AGTPBP1: variants seen among roughly 807,000 people sequenced by gnomAD.
AGTPBP1 encodes ATP/GTP binding carboxypeptidase 1.
Under a neutral mutation model 143.9 loss-of-function variants are expected in AGTPBP1, and 70 were observed. The ratio of observed to expected loss-of-function variants is 0.49; its 90% confidence interval spans 0.40 to 0.59. The LOEUF (loss-of-function observed/expected upper bound fraction) is 0.59, where lower values mean the gene tolerates loss of function less well. Ranked by LOEUF, AGTPBP1 falls within the 20% of genes least tolerant of loss-of-function variation. AGTPBP1 has a pLI of 0.00. For missense variants in AGTPBP1, 1,229 were observed against 1,464.5 expected, an observed-to-expected ratio of 0.84 and a Z score of 2.62; for synonymous variants, 463 against 500.2, an observed-to-expected ratio of 0.93 and a Z score of 0.99.
chr9:85,689,951 A>G (rs1164816096), intron 3 of AGTPBP1, among the ~76,000 whole-genome samples: 2 of 131,644 alleles, frequency 1.5e-5, no homozygotes, highest in African/African-American at 5.8e-5. Flanking sequence ...TATATATCTT[A>G]AAGTAAAAAT....
intron 2 of AGTPBP1, 93 bp downstream of exon 2, chr9:85,712,409 A>T (rs1002201212): frequency 5.0e-6 from 3 of 599,240 alleles, no homozygotes; most frequent in Non-Finnish European, 8.2e-6. Flanking sequence ...ATACTTAAAC[A>T]CAAATAATAC....
the AGTPBP1 span, among the ~76,000 whole-genome samples, chr9:85,789,606 T>G: frequency 6.6e-6 from 1 of 152,198 alleles, no homozygotes; most frequent in Non-Finnish European, 1.5e-5. Flanking sequence ...GGTGCTTTTG[T>G]GCTTTAATGT....
the AGTPBP1 span, among the ~76,000 whole-genome samples, chr9:85,802,403 G>A: frequency 0.043 from 6,580 of 151,760 alleles, 90 homozygotes; most frequent in African/African-American, 0.14. Context: ...TGCCTACTCA[G>A]TGCCTGCACA....
the AGTPBP1 span, among the ~76,000 whole-genome samples, chr9:85,779,396 C>T: frequency 2.3e-4 from 35 of 151,984 alleles, no homozygotes; most frequent in African/African-American, 8.5e-4. Context: ...GTCTGAGTCT[C>T]GAAACTGAAG....
chr9:85,670,807 C>T (rs1834432679), intron 7 of AGTPBP1, among the ~76,000 whole-genome samples: 1 of 152,140 alleles, frequency 6.6e-6, no homozygotes, highest in Admixed American at 6.5e-5. Context: ...CCTAATATTT[C>T]GTAGGATGAT....
In AGTPBP1 at chr9:85,579,085, C is replaced by A. The variant is rs1315862838; in HGVS notation, c.3177G>T (p.Lys1059Asn). 2 of 1,598,690 alleles carry A rather than the reference C, an allele frequency of 1.3e-6. No homozygotes were observed. Residue 1059 changes from lysine (K) to asparagine (N), a missense_variant, in exon 24 of 26, where the codon AAG becomes AAT. By Grantham distance (94) the Lys-to-Asn change is moderately conservative (BLOSUM62 0). This residue lies in a region of AGTPBP1 where 486 missense variants were observed against 652.3 expected (regional missense o/e 0.75). Transcript: ENST00000357081. ...ATGCTGGGGCGATATGGCTCAGTAT[C>A]TTAGGCAATGTCTGTTAAAAACAAG... ...VEDTGYRTLP[K>N]ILSHIAPAFC...
intron 1 of AGTPBP1, among the ~76,000 whole-genome samples, chr9:85,732,315 G>A (rs575587316): frequency 1.5e-4 from 23 of 148,864 alleles, no homozygotes; most frequent in Admixed American, 2.7e-4. Flanking sequence ...CCTGGGTTCC[G>A]GCCATTCTCC....
the AGTPBP1 span, among the ~76,000 whole-genome samples, chr9:85,782,056 A>G: frequency 0.032 from 4,819 of 152,316 alleles, 269 homozygotes; most frequent in African/African-American, 0.11. Context: ...AATAACTTTG[A>G]TAATTTAGGT....
chr9:85,654,747 G>C (rs1457980560), intron 11 of AGTPBP1, among the ~76,000 whole-genome samples: 1 of 151,940 alleles, frequency 6.6e-6, no homozygotes, highest in Admixed American at 6.6e-5. Context: ...GGAGGCTGAG[G>C]CAGGAGAATT....
chr9:85,753,790 A>G, the AGTPBP1 span, among the ~76,000 whole-genome samples: 1 of 152,102 alleles, frequency 6.6e-6, no homozygotes, highest in Non-Finnish European at 1.5e-5. Context: ...AGATAGATAG[A>G]TAGATAGATA....
rs1408291366 is a variant in AGTPBP1 at position 85,672,586 on chromosome 9, G to A, written c.532C>T (p.Pro178Ser). The A allele has an allele frequency of 1.2e-6, 2 of 1,613,566 alleles. No homozygotes were observed. The highest frequency in any genetic ancestry group is 1.1e-5 in the South Asian group (1 of 91,058). Residue 178 changes from proline (P) to serine (S), a missense_variant, in exon 7 of 26, where the codon CCT becomes TCT. Physicochemically the swap from Pro to Ser is moderately conservative, Grantham distance 74 (BLOSUM62 -1). Transcript: ENST00000357081. ...TATACTCGTAAAAGCTGAAGGCAAG[G>A]TAGAACCAAGCGATGATTCTGCAAA... ...QNLQNHRLVL[P>S]CLQLLRVYSA...
chr9:85,606,255 T>C (rs1255819727), intron 17 of AGTPBP1, among the ~76,000 whole-genome samples: 1 of 151,912 alleles, frequency 6.6e-6, no homozygotes, highest in Non-Finnish European at 1.5e-5. Flanking sequence ...GACATAGATA[T>C]TTCTCAAAAA....
the AGTPBP1 span, among the ~76,000 whole-genome samples, chr9:85,769,520 CAAAAAAAA>C: frequency 9.9e-5 from 6 of 60,898 alleles, no homozygotes; most frequent in South Asian, 1.4e-3. Flanking sequence ...ACCCTGTGTC[CAAAAAAAA>C]AAAAAAAAAA....
chr9:85,770,573 G>T, the AGTPBP1 span: 1 of 705,856 alleles, frequency 1.4e-6, no homozygotes, highest in Middle Eastern at 2.8e-4. Flanking sequence ...AATTTTTAAA[G>T]AAATTGAAAG....
chr9:85,578,486 GCTACACATACAAAAAC>G (rs1337572569), intron 24 of AGTPBP1, among the ~76,000 whole-genome samples: 3 of 151,918 alleles, frequency 2.0e-5, no homozygotes, highest in Non-Finnish European at 4.4e-5. Flanking sequence ...ATAAATAATA[GCTACACATACAAAAAC>G]CTAAATATAA....
Position 85,657,521 on chromosome 9 carries a change from T to C in AGTPBP1, c.823A>G (p.Ser275Gly). The C allele has an allele frequency of 1.2e-6, 2 of 1,613,996 alleles. No homozygotes were observed. Among genetic ancestry groups the C allele is most frequent in the Non-Finnish European group, 8.5e-7 (1 of 1,179,924 alleles). The change falls in exon 10 of 26, where the codon AGT (serine) becomes GGT (glycine). Residue 275 changes from serine (S) to glycine (G), a missense_variant. Ser to Gly is a moderately conservative substitution (Grantham distance 56, BLOSUM62 0). Coordinates refer to ENST00000357081, the MANE Select transcript of AGTPBP1 (RefSeq NM_001330701.2). ...NMLIRKGILQ[S>G]LKSVTNIKLG... ...TTGATGTTTGTAACACTTTTTAAAC[T>C]CTGTAAAATTCCTTTCCGAATGAGC...
chr9:85,761,755 A>G, the AGTPBP1 span, among the ~76,000 whole-genome samples: 1 of 152,192 alleles, frequency 6.6e-6, no homozygotes, highest in African/African-American at 2.4e-5. Context: ...AATGGCAACA[A>G]AAGCCAAAAT....
intron 14 of AGTPBP1, among the ~76,000 whole-genome samples, chr9:85,631,601 C>T (rs1489416185): frequency 1.3e-5 from 2 of 152,020 alleles, no homozygotes; most frequent in Non-Finnish European, 2.9e-5. Context: ...ACCAGTGGCA[C>T]TAAACATACA....
chr9:85,719,285 T>C (rs1420411883), intron 1 of AGTPBP1, among the ~76,000 whole-genome samples: 1 of 152,244 alleles, frequency 6.6e-6, no homozygotes, highest in Non-Finnish European at 1.5e-5. Context: ...ATATTGATTC[T>C]TCCTATCCAT....
Sources: gnomAD v4.1 joint callset for allele counts (sites outside exome capture counted in the v4.1 genomes callset) on GRCh38, gnomAD v4.1.1 for gene constraint, gnomAD v4.1.1 regional missense constraint, MANE v1.5 for transcripts, NCBI Gene and HGNC (gene_info 2026-07-23, HGNC 2026-07-21) for gene names.